TRPM1: variants seen among roughly 807,000 people sequenced by gnomAD.
The protein encoded by TRPM1 is TRPM1-203 APA Isoform, Intron 10.
In TRPM1, 113 loss-of-function variants were observed where a neutral mutation model predicts 149.4. The observed-to-expected ratio is 0.76, with a 90% CI of 0.65 to 0.88. TRPM1 has a LOEUF of 0.88. Ranked by LOEUF, TRPM1 falls within the 40% of genes least tolerant of loss-of-function variation. TRPM1 has a pLI of 0.00. For synonymous variants in TRPM1, 741 were observed against 759.5 expected (o/e 0.98, Z 0.40); for missense variants, 1,976 against 2,038.7 (o/e 0.97, Z 0.59).
chr15:31,026,544 T>A (rs899800749), intron 26 of TRPM1, among the ~76,000 whole-genome samples: 3 of 152,226 alleles, frequency 2.0e-5, no homozygotes, highest in African/African-American at 7.2e-5. Context: ...TGGAAAACTT[T>A]TTGCACTTAT....
At chr15:31,126,995 C>CAAACAA (rs562424807) in intron 1 of TRPM1, among the ~76,000 whole-genome samples, 2 of 151,782 alleles carry the variant, frequency 1.3e-5, no homozygotes, top group Admixed American at 6.6e-5. Context: ...AACAAACAAA[C>CAAACAA]AGAAATGCAT....
At position 31,063,122 on chromosome 15, in the gene TRPM1, C is replaced by T; in HGVS notation, c.961G>A (p.Gly321Ser). 2.5e-6 allele frequency: 4 copies of T among 1,614,236 alleles called. 1 individual carries two copies. Among genetic ancestry groups the T allele is most frequent in the South Asian group, 2.2e-5 (2 of 91,084 alleles). The change falls in exon 8 of 28, where the codon GGC becomes AGC. Residue 321 changes from glycine to serine, a missense_variant. Around this residue, in one of 3 missense-constraint regions of TRPM1, gnomAD observed 1,332 missense variants for 1,347.1 expected, o/e 0.99. Transcript: ENST00000256552. The part of the protein sequence containing the change: ...LSFAHKYCEE[G>S]GIINESLREQ... Reference sequence around the variant, plus strand: ...CTCGCGCGTCAGAAATCCTACCCGCCTTCTTCACAGTACTTGTGCGCAAAG... The same window carrying T: ...CTCGCGCGTCAGAAATCCTACCCGCTTTCTTCACAGTACTTGTGCGCAAAG...
chr15:31,124,939 C>A (rs76307831), intron 1 of TRPM1, among the ~76,000 whole-genome samples: 1 of 151,978 alleles, frequency 6.6e-6, no homozygotes, highest in Admixed American at 6.6e-5. Flanking sequence ...TTTGGGAGGC[C>A]GAGGTGGGCG....
chr15:31,126,985 A>AACAAACAAACAAACAAACAG (rs1027588946), intron 1 of TRPM1, among the ~76,000 whole-genome samples: 1 of 151,922 alleles, frequency 6.6e-6, no homozygotes, highest in African/African-American at 2.4e-5. Flanking sequence ...CAAACAAACA[A>AACAAACAAACAAACAAACAG]ACAAACAAAC....
chr15:31,007,011 A>G (rs188528912), intron 27 of TRPM1, among the ~76,000 whole-genome samples: 4 of 152,092 alleles, frequency 2.6e-5, no homozygotes, highest in Admixed American at 6.5e-5. Flanking sequence ...GATATTTTGT[A>G]TAAAAGTCTT....
chr15:31,062,807 T>C, intron 8 of TRPM1, 105 bp from the exon 9 acceptor site: 1 of 1,324,022 alleles, frequency 7.6e-7, no homozygotes, highest in Non-Finnish European at 1.1e-6. Context: ...TGTGGGAGGA[T>C]ATCCTGACAC....
Position 31,070,143 on chromosome 15 carries a change from T to G in TRPM1, c.167A>C (p.Gln56Pro). The G allele has an allele frequency of 1.2e-6, 2 of 1,614,112 alleles. No homozygotes were observed. Among genetic ancestry groups the G allele is most frequent in the Non-Finnish European group, 1.7e-6 (2 of 1,179,958 alleles). Residue 56 changes from glutamine (Q) to proline (P), a missense_variant, in exon 4 of 28, where the codon CAG (glutamine) becomes CCG (proline). Physicochemically the swap from Gln to Pro is moderately conservative, Grantham distance 76. This residue lies in a region of TRPM1 where 1,332 missense variants were observed against 1,347.1 expected (regional missense o/e 0.99). Transcript: ENST00000256552. ...CCATTTCTCAGGCTGAGTCTCCACCTGTTTGCTTTCCTCTTCATTTTTGCT... is the reference window on the plus strand; with the variant it reads ...CCATTTCTCAGGCTGAGTCTCCACCGGTTTGCTTTCCTCTTCATTTTTGCT... The part of the protein sequence containing the change: ...TPSKNEEESK[Q>P]VETQPEKWSV...
At chr15:31,095,987 A>C (rs1596067718) in intron 1 of TRPM1, among the ~76,000 whole-genome samples, 1 of 152,098 alleles carries the variant, frequency 6.6e-6, no homozygotes, top group African/African-American at 2.4e-5. Context: ...TGAAGGTTGC[A>C]GTGAGCCGAG....
Position 31,040,224 on chromosome 15 carries a change from G to A in TRPM1, c.2210C>T (p.Ala737Val). The A allele has an allele frequency of 6.2e-7, 1 of 1,614,196 alleles. No homozygotes were observed. The highest frequency in any genetic ancestry group is 1.6e-4 in the Middle Eastern group (1 of 6,062). Residue 737 changes from alanine (A) to valine (V), a missense_variant, in exon 18 of 28, where the codon GCC (alanine) becomes GTC (valine). Physicochemically the swap from Ala to Val is moderately conservative, Grantham distance 64. Transcript: ENST00000256552. The surrounding 1 kb of genome is among the most constrained non-coding windows in gnomAD (Gnocchi z 4.2). The stretch of plus-strand genomic sequence containing the variant: ...GAAGTCCCGGTGTTTGGCTGCCACG[G>A]CCAGTTTGAGGCAGGTCGAGTTGCT... Reference protein sequence around the residue: ...NWSNSTCLKLAVAAKHRDFIA... With the variant: ...NWSNSTCLKLVVAAKHRDFIA...
chr15:31,139,648 A>G (rs936390020), intron 1 of TRPM1, among the ~76,000 whole-genome samples: 26 of 152,220 alleles, frequency 1.7e-4, no homozygotes, highest in Non-Finnish European at 2.9e-4. Flanking sequence ...AAGTAAGACT[A>G]GTTTAATATT....
In TRPM1 at chr15:31,063,425, C is replaced by A. The variant is rs572523229; in HGVS notation, c.791-133G>T. 7.1e-6 allele frequency: 8 copies of A among 1,132,172 alleles called. No homozygotes were observed. In the South Asian group the frequency reaches 8.9e-5, roughly 13 times the overall value. 70.1% of individuals were successfully genotyped at this position (1,132,172 alleles called of 1,614,324 possible). On this transcript the variant is annotated intron_variant, in intron 7 of 27. Coordinates refer to ENST00000256552, the MANE Select transcript of TRPM1 (RefSeq NM_001252024.2). The stretch of plus-strand genomic sequence containing the variant: ...ATGTTCTATCTGGCTGGAAGGAATT[C>A]AGGCATGTGATAACAATTTTCTTTT...
At chr15:31,084,908 C>T (rs1232607700) in intron 1 of TRPM1, among the ~76,000 whole-genome samples, 7 of 149,978 alleles carry the variant, frequency 4.7e-5, no homozygotes, top group African/African-American at 1.5e-4. Context: ...AGGCTGGTCT[C>T]GAACTCCTGA....
intron 11 of TRPM1, among the ~76,000 whole-genome samples, chr15:31,059,569 C>A (rs1230185418): frequency 2.0e-5 from 3 of 152,062 alleles, no homozygotes; most frequent in Admixed American, 6.5e-5. Flanking sequence ...CCATGCCTGG[C>A]TAATTTTTTT....
At chr15:31,095,875 C>A (rs1042374731) in intron 1 of TRPM1, among the ~76,000 whole-genome samples, 11 of 151,730 alleles carry the variant, frequency 7.2e-5, no homozygotes, top group African/African-American at 2.4e-4. Flanking sequence ...GAAACCCCAT[C>A]GCTACTAAAA....
Position 31,087,231 on chromosome 15 carries a change from ATTTTTTTTTTTTTTTTTT to A in TRPM1, c.-83-5811_-83-5794del, listed in dbSNP as rs58872566. 3.3e-3 allele frequency among the ~76,000 whole-genome samples: 194 copies of A among 59,452 alleles called. 2 individuals carry two copies. The Middle Eastern group carries it at 0.071, about 22-fold the overall frequency. 39.0% of individuals were successfully genotyped at this position (59,452 alleles called of 152,430 possible). A position where few individuals can be genotyped will look rare whatever the true frequency, so the allele number is the denominator to read the frequency against. On this transcript the variant is annotated intron_variant, in intron 1 of 27. Transcript: ENST00000256552. ...AGCAGTTAAGCAGGTCTCAATAGGG[ATTTTTTTTTTTTTTTTTT>A]TTTTTTTTTTTTTGAGACGGAGTCT...
At chr15:31,019,333 C>G (rs2032473522) in intron 27 of TRPM1, among the ~76,000 whole-genome samples, 1 of 152,216 alleles carries the variant, frequency 6.6e-6, no homozygotes, top group Non-Finnish European at 1.5e-5. Context: ...GTTGTGCTTA[C>G]TTACAGAGTT....
At chr15:31,153,458 G>A (rs940885398) in intron 1 of TRPM1, among the ~76,000 whole-genome samples, 1 of 152,124 alleles carries the variant, frequency 6.6e-6, no homozygotes. Context: ...TTGAGTAGTG[G>A]GGATTACAGG....
At chr15:31,112,454 G>C (rs565078591) in intron 1 of TRPM1, among the ~76,000 whole-genome samples, 49 of 152,304 alleles carry the variant, frequency 3.2e-4, no homozygotes, top group African/African-American at 1.1e-3. Context: ...CTCCAGTCTG[G>C]GTTCTTGAGC....
chr15:31,117,472 T>C lies in TRPM1; in HGVS notation c.55-40488A>G, dbSNP rs146102893. ...CTGCACTCCAGCCTGGGCAACAAGA[T>C]CGAAACTCTGTCTCAGGAAAAAAAA... On this transcript the variant is annotated intron_variant, in intron 1 of 26. Transcript: ENST00000542188. Among the ~76,000 whole-genome samples, 142 of 150,968 alleles carry C rather than the reference T, an allele frequency of 9.4e-4. No individual in the cohort carries two copies. The East Asian group carries it at 0.022, about 24-fold the overall frequency.
Sources: allele counts gnomAD v4.1 joint callset (sites outside exome capture counted in the v4.1 genomes callset), GRCh38; gene constraint gnomAD v4.1.1; regional missense constraint gnomAD v4.1.1; non-coding constraint Gnocchi (gnomAD v3.1); transcripts MANE v1.5; gene names NCBI Gene and HGNC (gene_info 2026-07-23, HGNC 2026-07-21).